The following MAGEB2 variants were observed in gnomAD, a reference collection of about 807,000 sequenced individuals.
The protein encoded by MAGEB2 is MAGE family member B2.
For synonymous variants in MAGEB2, 107 were observed against 96.2 expected (o/e 1.11, Z -0.66); for missense variants, 365 against 243.2 (o/e 1.50, Z -3.33).
chrX:30,218,955 G>T lies in MAGEB2; in HGVS notation c.375G>T (p.Lys125Asn), dbSNP rs760996564. 2 of 1,210,406 alleles carry T rather than the reference G, an allele frequency of 1.7e-6. No homozygotes were observed. Among genetic ancestry groups the T allele is most frequent in the Middle Eastern group, 2.3e-4 (1 of 4,350 alleles). The stretch of plus-strand genomic sequence containing the variant: ...CGTTGGTGCAGTTCCTGTTGTACAA[G>T]TATAAAATAAAAAAGTCCGTTACAA... ...SGSLVQFLLYKYKIKKSVTKG... is the reference protein window; with the variant it reads ...SGSLVQFLLYNYKIKKSVTKG... The change falls in exon 2 of 2, where the codon AAG (lysine) becomes AAT (asparagine). Residue 125 changes from lysine to asparagine, a missense_variant. Lys to Asn is a moderately conservative substitution (Grantham distance 94, BLOSUM62 0). Coordinates refer to ENST00000378988, the MANE Select transcript of MAGEB2 (RefSeq NM_002364.5).
At chrX:30,216,602 C>T (rs371927974) in intron 1 of MAGEB2, among the ~76,000 whole-genome samples, 18 of 111,566 alleles carry the variant, frequency 1.6e-4, no homozygotes, top group East Asian at 1.1e-3. Context: ...GCAGCCTGGC[C>T]GGGCGCGGTG....
Position 30,218,928 on chromosome X carries a change from G to A in MAGEB2, c.348G>A (p.Gly116=). 1 of 1,210,983 alleles carries A rather than the reference G, an allele frequency of 8.3e-7. No individual in the cohort carries two copies. The highest frequency in any genetic ancestry group is 1.8e-5 in the South Asian group (1 of 56,633). The part of the protein sequence containing the change: ...PSEDPLTRKS[G]SLVQFLLYKY... ...AAGATCCTCTAACCAGGAAGTCAGG[G>A]TCGTTGGTGCAGTTCCTGTTGTACA... Residue 116 remains glycine, a synonymous_variant, in exon 2 of 2, where the codon GGG becomes GGA. Transcript: ENST00000378988.
Position 30,219,398 on chromosome X carries a change from T to C in MAGEB2, c.818T>C (p.Phe273Ser). Residue 273 changes from phenylalanine (F) to serine (S), a missense_variant, in exon 2 of 2, where the codon TTC becomes TCC. By Grantham distance (155) the Phe-to-Ser change is radical. Coordinates refer to ENST00000378988, the MANE Select transcript of MAGEB2 (RefSeq NM_002364.5). ...VPSSDPPRFQFLWGPRAYAET... is the reference protein window; with the variant it reads ...VPSSDPPRFQSLWGPRAYAET... ...AGCAGTGATCCCCCACGCTTTCAAT[T>C]CCTGTGGGGTCCGAGAGCCTATGCT... is the stretch of plus-strand genomic sequence containing the variant. 1 of 1,211,428 alleles carries C rather than the reference T, an allele frequency of 8.3e-7. No individual in the cohort carries two copies. The highest frequency in any genetic ancestry group is 1.1e-6 in the Non-Finnish European group (1 of 895,198).
Position 30,219,519 on chromosome X carries a change from TGAAGA to T in MAGEB2, c.943_947del (p.Glu315SerfsTer36), listed in dbSNP as rs1813507458. ...CCCATTACGAAGAAGCTTTGAAAGA[TGAAGA>T]GAAAGCCGGAGTCTGAGCCAGAGTT... On this transcript the variant is annotated frameshift_variant, in exon 2 of 2. Transcript: ENST00000378988. LOFTEE classifies it high-confidence loss of function. 5 of 1,203,103 alleles carry T rather than the reference TGAAGA, an allele frequency of 4.2e-6. No homozygotes were observed. Among genetic ancestry groups the T allele is most frequent in the Non-Finnish European group, 5.6e-6 (5 of 890,826 alleles).
intron 1 of MAGEB2, among the ~76,000 whole-genome samples, chrX:30,216,400 G>A (rs2238924): frequency 0.41 from 45,014 of 110,146 alleles, 7,290 homozygotes; most frequent in African/African-American, 0.54. Flanking sequence ...GGTCTAATGC[G>A]ACAGAGAGGC....
At chrX:30,217,716 T>C (rs912006941) in intron 1 of MAGEB2, among the ~76,000 whole-genome samples, 1 of 111,909 alleles carries the variant, frequency 8.9e-6, no homozygotes, top group Non-Finnish European at 1.9e-5. Flanking sequence ...CTATGGGTTC[T>C]CAGGGATGTT....
intron 1 of MAGEB2, among the ~76,000 whole-genome samples, chrX:30,215,933 TCTC>T (rs1052764360): frequency 1.8e-5 from 2 of 110,582 alleles, no homozygotes; most frequent in Non-Finnish European, 3.8e-5. Flanking sequence ...GAAGAGAACA[TCTC>T]CTACCCTTAA....
intron 1 of MAGEB2, among the ~76,000 whole-genome samples, chrX:30,218,102 C>CA (rs1041987648): frequency 2.2e-5 from 2 of 91,057 alleles, no homozygotes; most frequent in Non-Finnish European, 4.4e-5. Flanking sequence ...CACTGGGTGT[C>CA]ACTTCTCAGG....
chrX:30,219,766 A>G lies in MAGEB2; in HGVS notation c.*226A>G, dbSNP rs2147331134. 3.2e-6 allele frequency: 1 copy of G among 316,674 alleles called. No homozygotes were observed. Among genetic ancestry groups the G allele is most frequent in the East Asian group, 4.8e-5 (1 of 21,022 alleles). 26.1% of individuals were successfully genotyped at this position (316,674 alleles called of 1,213,427 possible). On this transcript the variant is annotated 3_prime_UTR_variant, in exon 2 of 2. Coordinates refer to ENST00000378988, the MANE Select transcript of MAGEB2 (RefSeq NM_002364.5). The stretch of plus-strand genomic sequence containing the variant: ...ACAGGTTTATTTAGATTCAGAATGT[A>G]AATTTACAAATGATATAGATCACCC...
rs774207887 is a variant in MAGEB2 at position 30,219,263 on chromosome X, A to G, written c.683A>G (p.Asn228Ser). The G allele has an allele frequency of 5.0e-6, 6 of 1,211,457 alleles. No individual in the cohort carries two copies. The highest frequency in any genetic ancestry group is 6.7e-6 in the Non-Finnish European group (6 of 895,394). Residue 228 changes from asparagine (N) to serine (S), a missense_variant, in exon 2 of 2, where the codon AAT (asparagine) becomes AGT (serine). Transcript: ENST00000378988. The stretch of plus-strand genomic sequence containing the variant: ...GAGGAAGAGATCTGGGAATTCCTGA[A>G]TATGTTGGGAGTCTATGATGGAGAG... The part of the protein sequence containing the change: ...ATEEEIWEFL[N>S]MLGVYDGEEH...
chrX:30,219,083 T>C lies in MAGEB2; in HGVS notation c.503T>C (p.Leu168Pro), dbSNP rs774317963. ...CTCAGTGTTGTCTTTGGCCTTGAGC[T>C]GAATAAAGTCAACCCCAACGGCCAC... ...EGLSVVFGLE[L>P]NKVNPNGHTY... Residue 168 changes from leucine to proline, a missense_variant, in exon 2 of 2, where the codon CTG becomes CCG. Physicochemically the swap from Leu to Pro is moderately conservative, Grantham distance 98. Transcript: ENST00000378988. 1.7e-6 allele frequency: 2 copies of C among 1,210,596 alleles called. No homozygotes were observed. The highest frequency in any genetic ancestry group is 1.1e-6 in the Non-Finnish European group (1 of 894,709).
rs149932758 is a variant in MAGEB2 at position 30,218,696 on chromosome X, C to A, written c.116C>A (p.Pro39His). 218 of 1,203,529 alleles carry A rather than the reference C, an allele frequency of 1.8e-4. No individual in the cohort carries two copies. The highest frequency in any genetic ancestry group is 4.6e-4 in the Middle Eastern group (2 of 4,306). ...ACTGAAGCAGAGGAAGAAGAGGCCC[C>A]CTGCTGTTCCTCTTCTGTTTCTGGG... ...QVTEAEEEEA[P>H]CCSSSVSGGA... The change falls in exon 2 of 2, where the codon CCC becomes CAC. Residue 39 changes from proline to histidine, a missense_variant. Pro to His is a moderately conservative substitution (Grantham distance 77, BLOSUM62 -2). Transcript: ENST00000378988.
At chrX:30,217,981 C>G (rs1407804045) in intron 1 of MAGEB2, among the ~76,000 whole-genome samples, 3 of 111,973 alleles carry the variant, frequency 2.7e-5, no homozygotes, top group Non-Finnish European at 5.6e-5. Flanking sequence ...AGCCACCACT[C>G]AGCAGAAGGG....
chrX:30,219,197 C>T lies in MAGEB2; in HGVS notation c.617C>T (p.Pro206Leu), dbSNP rs776963214. 6 of 1,210,223 alleles carry T rather than the reference C, an allele frequency of 5.0e-6. No homozygotes were observed. The highest frequency in any genetic ancestry group is 6.7e-6 in the Non-Finnish European group (6 of 894,464). ...WDFPRRKLLM[P>L]LLGVIFLNGN... ...TTTCCCAGGAGAAAGCTTCTGATGCCTCTCCTGGGTGTGATCTTCTTAAAT... is the reference window on the plus strand; with the variant it reads ...TTTCCCAGGAGAAAGCTTCTGATGCTTCTCCTGGGTGTGATCTTCTTAAAT... Residue 206 changes from proline (P) to leucine (L), a missense_variant, in exon 2 of 2, where the codon CCT becomes CTT. Pro to Leu is a moderately conservative substitution (Grantham distance 98). Coordinates refer to ENST00000378988, the MANE Select transcript of MAGEB2 (RefSeq NM_002364.5).
intron 1 of MAGEB2, among the ~76,000 whole-genome samples, chrX:30,217,916 C>T (rs1482343104): frequency 8.9e-6 from 1 of 111,999 alleles, no homozygotes; most frequent in Non-Finnish European, 1.9e-5. Flanking sequence ...TTTAGTGTCC[C>T]CCTCTCTTTT....
In MAGEB2 at chrX:30,218,767, CAGAG is replaced by C. The variant is rs1569249938; in HGVS notation, c.190_193del (p.Arg64ProfsTer47). On this transcript the variant is annotated frameshift_variant, in exon 2 of 2. Transcript: ENST00000378988. LOFTEE classifies it low-confidence loss of function (END_TRUNC). ...TGCTGCTGGCATTCCCCAGGAGCCT[CAGAG>C]AGCCCCAACCACTGCCGCTGCTGCG... 2.5e-6 allele frequency: 3 copies of C among 1,191,459 alleles called. No individual in the cohort carries two copies. Among genetic ancestry groups the C allele is most frequent in the South Asian group, 1.8e-5 (1 of 54,661 alleles).
At position 30,219,276 on chromosome X, in the gene MAGEB2, C is replaced by T. The variant is rs371294125; in HGVS notation, c.696C>T (p.Val232=). The T allele has an allele frequency of 1.5e-5, 18 of 1,209,618 alleles. No homozygotes were observed. The highest frequency in any genetic ancestry group is 1.9e-5 in the Non-Finnish European group (17 of 895,105). The part of the protein sequence containing the change: ...EIWEFLNMLG[V]YDGEEHSVFG... ...GGGAATTCCTGAATATGTTGGGAGT[C>T]TATGATGGAGAGGAGCACTCAGTCT... The change falls in exon 2 of 2, where the codon GTC becomes GTT. Residue 232 remains valine (V), a synonymous_variant. Transcript: ENST00000378988.
rs1446270218 is a variant in MAGEB2 at position 30,218,564 on chromosome X, T to A, written c.-5-12T>A. 1.4e-5 allele frequency: 17 copies of A among 1,185,669 alleles called. No individual in the cohort carries two copies. The Admixed American group carries it at 2.1e-4, about 15-fold the overall frequency. The stretch of plus-strand genomic sequence containing the variant: ...CATCTATTCTTCTGCCCACATTTCT[T>A]GGTTTACCCAGCCATCATGCCTCGT... On this transcript the variant is annotated splice_polypyrimidine_tract_variant and intron_variant, in intron 1 of 1. Coordinates refer to ENST00000378988, the MANE Select transcript of MAGEB2 (RefSeq NM_002364.5).
At chrX:30,215,956 C>T (rs925553992) in intron 1 of MAGEB2, among the ~76,000 whole-genome samples, 1 of 111,478 alleles carries the variant, frequency 9.0e-6, no homozygotes, top group African/African-American at 3.3e-5. Flanking sequence ...ACAAAGGTGG[C>T]CTCACTAAGT....
Sources: gnomAD v4.1 joint callset for allele counts (sites outside exome capture counted in the v4.1 genomes callset) on GRCh38, gnomAD v4.1.1 for gene constraint, MANE v1.5 for transcripts, NCBI Gene and HGNC (gene_info 2026-07-23, HGNC 2026-07-21) for gene names.